Variants in AFG1L observed in about 807,000 individuals in gnomAD.
The protein encoded by AFG1L is AFG1 like ATPase, also known as AFG1-like ATPase.
Under a neutral mutation model 62.2 loss-of-function variants are expected in AFG1L, and 53 were observed. The observed-to-expected ratio is 0.85, with a 90% confidence interval of 0.68 to 1.07. AFG1L has a LOEUF of 1.07. Ranked by LOEUF, AFG1L falls within the 50% of genes least tolerant of loss-of-function variation. The probability of loss-of-function intolerance (pLI) is 0.00; values close to 1 mark genes in which losing one functional copy is unlikely to be tolerated. For synonymous variants in AFG1L, 228 were observed against 210.3 expected, an observed-to-expected ratio of 1.08 and a Z score of -0.73; for missense variants, 555 against 590.5, an observed-to-expected ratio of 0.94 and a Z score of 0.62.
chr6:108,472,631 CT>C (rs1038460204), intron 8 of AFG1L, among the ~76,000 whole-genome samples: 1 of 150,494 alleles, frequency 6.6e-6, no homozygotes, highest in Non-Finnish European at 1.5e-5. Flanking sequence ...TTTGTTATTA[CT>C]TGTTAAAAAC....
rs772619387 is a variant in AFG1L at position 108,522,315 on chromosome 6, T to A, written c.1336T>A (p.Ser446Thr). 7.4e-6 allele frequency: 12 copies of A among 1,613,710 alleles called. No homozygotes were observed. In the East Asian group the frequency reaches 2.7e-4, roughly 36 times the overall value. ...TAACCAGGATTCAGCAGAAGGACTC[T>A]CCATGTTTACCGGAGAAGAGGAAAT... ...GLSQDSAEGL[S>T]MFTGEEEIFA... is the part of the protein sequence containing the mutation. The change falls in exon 13 of 13, where the codon TCC becomes ACC. Residue 446 changes from serine to threonine, a missense_variant. Transcript: ENST00000368977.
At chr6:108,455,354 T>G (rs1772213381) in intron 8 of AFG1L, among the ~76,000 whole-genome samples, 1 of 152,200 alleles carries the variant, frequency 6.6e-6, no homozygotes, top group Non-Finnish European at 1.5e-5. Context: ...TTTTTCATAA[T>G]CAAAAGATTT....
At chr6:108,376,190 G>T (rs760093679) in intron 6 of AFG1L, among the ~76,000 whole-genome samples, 9 of 151,872 alleles carry the variant, frequency 5.9e-5, no homozygotes, top group Non-Finnish European at 1.0e-4. Context: ...TGCTTATTTG[G>T]ATTTTCTCTC....
intron 6 of AFG1L, among the ~76,000 whole-genome samples, chr6:108,398,888 G>C (rs1223735388): frequency 6.6e-6 from 1 of 152,048 alleles, no homozygotes; most frequent in African/African-American, 2.4e-5. Context: ...TGTGATTTCT[G>C]CAGTTTTGTT....
intron 1 of AFG1L, among the ~76,000 whole-genome samples, chr6:108,299,928 C>T (rs1776914319): frequency 6.6e-6 from 1 of 152,062 alleles, no homozygotes; most frequent in African/African-American, 2.4e-5. Context: ...TTTTCTAAAA[C>T]CTAAAAATTA....
At chr6:108,427,728 G>T (rs1757860475) in intron 7 of AFG1L, among the ~76,000 whole-genome samples, 1 of 151,908 alleles carries the variant, frequency 6.6e-6, no homozygotes, top group Non-Finnish European at 1.5e-5. Context: ...CACCATGTTG[G>T]TAAGGCTGAT....
intron 2 of AFG1L, among the ~76,000 whole-genome samples, chr6:108,337,928 G>A (rs1778532025): frequency 6.6e-6 from 1 of 152,182 alleles, no homozygotes; most frequent in African/African-American, 2.4e-5. Flanking sequence ...GCTCATGCCT[G>A]TAATCCCAGC....
chr6:108,363,706 GAAAAA>G, intron 5 of AFG1L, among the ~76,000 whole-genome samples: 1 of 135,118 alleles, frequency 7.4e-6, no homozygotes, highest in African/African-American at 2.7e-5. Flanking sequence ...TATGGGTCCA[GAAAAA>G]AAAAAAAGAA....
chr6:108,412,871 A>C (rs1782178834), intron 7 of AFG1L, among the ~76,000 whole-genome samples: 1 of 152,210 alleles, frequency 6.6e-6, no homozygotes, highest in African/African-American at 2.4e-5. Context: ...TGAGCAAAAT[A>C]ACCAGCTAAC....
intron 1 of AFG1L, among the ~76,000 whole-genome samples, chr6:108,301,523 C>T (rs1363677181): frequency 6.6e-6 from 1 of 152,180 alleles, no homozygotes; most frequent in African/African-American, 2.4e-5. Flanking sequence ...GAGAGGAGCT[C>T]AGTCAGAAAG....
At chr6:108,361,598 T>C (rs1779531580) in intron 5 of AFG1L, among the ~76,000 whole-genome samples, 1 of 152,218 alleles carries the variant, frequency 6.6e-6, no homozygotes, top group African/African-American at 2.4e-5. Context: ...GAGCCCCATC[T>C]TGTAAGCAAG....
At chr6:108,438,884 T>C (rs191103547) in intron 7 of AFG1L, among the ~76,000 whole-genome samples, 1 of 152,042 alleles carries the variant, frequency 6.6e-6, no homozygotes, top group Admixed American at 6.5e-5. Context: ...AAAAAAATGT[T>C]TTTGATTTAC....
At chr6:108,505,029 T>A (rs896882504) in intron 10 of AFG1L, among the ~76,000 whole-genome samples, 2 of 151,842 alleles carry the variant, frequency 1.3e-5, no homozygotes, top group Non-Finnish European at 2.9e-5. Flanking sequence ...TCATGGACTT[T>A]AGCCAGATTT....
At chr6:108,317,953 A>G (rs1777669063) in intron 1 of AFG1L, 1 of 152,746 alleles carries the variant, frequency 6.5e-6, no homozygotes, top group East Asian at 1.9e-4. Context: ...AGGGGAGCAT[A>G]TCAGCATAAA....
In AFG1L at chr6:108,323,818, T is replaced by G. The variant is rs1345688558; in HGVS notation, c.140-7T>G. 1 of 1,604,738 alleles carries G rather than the reference T, an allele frequency of 6.2e-7. No homozygotes were observed. The highest frequency in any genetic ancestry group is 1.1e-5 in the South Asian group (1 of 90,500). ...GAAAGTCTAAAATTTTATGTTTTTG[T>G]TTATAGCCTATACGGTTCAGACATC... On this transcript the variant is annotated splice_region_variant and splice_polypyrimidine_tract_variant and intron_variant, in intron 1 of 12. Transcript: ENST00000368977.
rs114209219 is a variant in AFG1L at position 108,509,151 on chromosome 6, A to G, written c.1063-1061A>G. Among the ~76,000 whole-genome samples, 621 of 152,350 alleles carry G rather than the reference A, an allele frequency of 4.1e-3. 9 individuals carry two copies. Among genetic ancestry groups the G allele is most frequent in the African/African-American group, 0.014 (601 of 41,572 alleles). On this transcript the variant is annotated intron_variant, in intron 10 of 12. Coordinates refer to ENST00000368977, the MANE Select transcript of AFG1L (RefSeq NM_145315.5). ...TTCCTGGGAGTGTTCCTAACCCCAA[A>G]GAATGTGTTTGCAGATTGTGTTCCT... is the stretch of plus-strand genomic sequence containing the variant.
intron 8 of AFG1L, among the ~76,000 whole-genome samples, chr6:108,451,036 A>G (rs1336711297): frequency 6.6e-6 from 1 of 152,000 alleles, no homozygotes; most frequent in Non-Finnish European, 1.5e-5. Flanking sequence ...GTTTCTGTTT[A>G]TTACCATCTG....
At chr6:108,401,648 A>G (rs1781622128) in intron 6 of AFG1L, among the ~76,000 whole-genome samples, 1 of 152,172 alleles carries the variant, frequency 6.6e-6, no homozygotes, top group Non-Finnish European at 1.5e-5. Context: ...GTAGAATTCT[A>G]TATATTCAAG....
At chr6:108,514,136 A>G (rs928281769) in intron 11 of AFG1L, among the ~76,000 whole-genome samples, 2 of 152,206 alleles carry the variant, frequency 1.3e-5, no homozygotes, top group African/African-American at 4.8e-5. Context: ...CAAAGACCAA[A>G]GGCAGATAAA....
Sources: gnomAD v4.1 joint callset for allele counts (sites outside exome capture counted in the v4.1 genomes callset) on GRCh38, gnomAD v4.1.1 for gene constraint, MANE v1.5 for transcripts, NCBI Gene and HGNC (gene_info 2026-07-23, HGNC 2026-07-21) for gene names.